The following CMTM8 variants were observed in gnomAD, a reference collection of about 807,000 sequenced individuals.
The protein encoded by CMTM8 is CKLF-like MARVEL transmembrane domain-containing protein 8.
Under a neutral mutation model 18.6 loss-of-function variants are expected in CMTM8, and 12 were observed. The observed-to-expected ratio is 0.65, with a 90% CI of 0.41 to 1.05. The LOEUF (loss-of-function observed/expected upper bound fraction) is 1.05, where lower values mean the gene tolerates loss of function less well. CMTM8 is among the 50% of genes least tolerant of loss of function. The pLI is 0.00. For missense variants in CMTM8, 217 were observed against 227.2 expected (o/e 0.95, Z 0.29); for synonymous variants, 87 against 90.6 (o/e 0.96, Z 0.23).
At chr3:32,288,013 T>TA (rs372751926) in intron 1 of CMTM8, among the ~76,000 whole-genome samples, 107 of 152,286 alleles carry the variant, frequency 7.0e-4, no homozygotes, top group African/African-American at 2.5e-3. Context: ...CACGATACAT[T>TA]ATATTTATTT....
intron 1 of CMTM8, among the ~76,000 whole-genome samples, chr3:32,314,648 T>C (rs1370538308): frequency 6.6e-6 from 1 of 151,822 alleles, no homozygotes; most frequent in East Asian, 1.9e-4. Context: ...CCCAGCTGAT[T>C]TTTGTGTTTT....
intron 1 of CMTM8, among the ~76,000 whole-genome samples, chr3:32,252,492 C>A (rs1258452863): frequency 3.3e-5 from 5 of 152,046 alleles, no homozygotes; most frequent in Non-Finnish European, 7.4e-5. Context: ...CAAATCTTAC[C>A]ATCTGGGAAT....
rs62243330 is a variant in CMTM8, at chr3:32,320,863, G to T, written c.148-36510G>T. ...CTCAAAAATCACCCATGAAACGGTG[G>T]TGACTTTGTTTGCCCCTATGATCTT... On this transcript the variant is annotated intron_variant, in intron 1 of 3. Transcript: ENST00000307526. 6.9e-3 allele frequency among the ~76,000 whole-genome samples: 1,043 copies of T among 152,218 alleles called. 2 individuals are homozygous for T. The highest frequency in any genetic ancestry group is 0.012 in the Non-Finnish European group (790 of 68,026).
intron 2 of CMTM8, among the ~76,000 whole-genome samples, chr3:32,364,832 A>T (rs1352020233): frequency 6.6e-6 from 1 of 152,194 alleles, no homozygotes; most frequent in East Asian, 1.9e-4. Context: ...TTCTGTAGTA[A>T]TAGAAGTTTC....
chr3:32,348,529 C>CCTTTTTTTTT (rs567343522), intron 1 of CMTM8, among the ~76,000 whole-genome samples: 7 of 102,036 alleles, frequency 6.9e-5, no homozygotes, highest in Non-Finnish European at 9.3e-5. Flanking sequence ...CTTCCTGGAA[C>CCTTTTTTTTT]TTTTTTTTTT....
chr3:32,276,534 C>T (rs573829460), intron 1 of CMTM8, among the ~76,000 whole-genome samples: 14 of 152,298 alleles, frequency 9.2e-5, no homozygotes, highest in African/African-American at 3.4e-4. Flanking sequence ...AGCCATGGAC[C>T]TTTGCATGGG....
Position 32,358,991 on chromosome 3 carries a change from A to G in CMTM8, c.321+1445A>G, listed in dbSNP as rs75929945. On this transcript the variant is annotated intron_variant, in intron 2 of 3. Transcript: ENST00000307526. This position sits in a 1 kb window ranked among gnomAD's most constrained non-coding sequence, Gnocchi z 4.1. ...GCCATTTTGGACAAAGTTGTGTCCT[A>G]GGGTGGGTCTTGAAGAAAGTGACTG... 0.025 allele frequency among the ~76,000 whole-genome samples: 3,875 copies of G among 152,328 alleles called. 68 individuals carry two copies. The highest frequency in any genetic ancestry group is 0.098 in the East Asian group (508 of 5,182).
chr3:32,305,369 C>A (rs1205551938), intron 1 of CMTM8, among the ~76,000 whole-genome samples: 1 of 151,702 alleles, frequency 6.6e-6, no homozygotes, highest in African/African-American at 2.4e-5. Flanking sequence ...TTGATTGTCA[C>A]AACTAGGAGG....
intron 1 of CMTM8, among the ~76,000 whole-genome samples, chr3:32,285,512 C>CAAAAAA (rs140584675): frequency 9.9e-6 from 1 of 100,526 alleles, no homozygotes; most frequent in African/African-American, 3.2e-5. Context: ...GATTCTATCT[C>CAAAAAA]AAAAAAAAAA....
intron 1 of CMTM8, among the ~76,000 whole-genome samples, chr3:32,293,563 A>AG (rs775221244): frequency 2.0e-5 from 3 of 152,076 alleles, no homozygotes; most frequent in Non-Finnish European, 4.4e-5. Flanking sequence ...AGAAATAAAT[A>AG]GGCCAGGTGC....
intron 1 of CMTM8, among the ~76,000 whole-genome samples, chr3:32,318,409 A>G (rs1695971965): frequency 6.6e-6 from 1 of 152,144 alleles, no homozygotes; most frequent in South Asian, 2.1e-4. Context: ...GTTTGCAGCA[A>G]GCAGTAGCCC....
At chr3:32,367,821 G>A (rs1272069348) in intron 2 of CMTM8, 51 bp from the exon 3 acceptor site, 1 of 1,258,924 alleles carries the variant, frequency 7.9e-7, no homozygotes, top group South Asian at 1.2e-5. Flanking sequence ...AAGTCCAGAG[G>A]TATGCAGACC....
intron 1 of CMTM8, among the ~76,000 whole-genome samples, chr3:32,303,445 T>C (rs1695661989): frequency 2.0e-5 from 3 of 152,360 alleles, no homozygotes; most frequent in African/African-American, 7.2e-5. Flanking sequence ...TTGGTTTAGA[T>C]TCAGGTGTTT....
At chr3:32,272,786 G>C (rs1288837939) in intron 1 of CMTM8, among the ~76,000 whole-genome samples, 1 of 152,098 alleles carries the variant, frequency 6.6e-6, no homozygotes, top group Non-Finnish European at 1.5e-5. Flanking sequence ...GCTCCCTCTG[G>C]ACACTGAGTT....
chr3:32,369,868 G>A lies in CMTM8; in HGVS notation c.439-16G>A, dbSNP rs1394024488. The A allele has an allele frequency of 1.3e-6, 2 of 1,585,186 alleles. No homozygotes were observed. Among genetic ancestry groups the A allele is most frequent in the Non-Finnish European group, 1.7e-6 (2 of 1,156,542 alleles). ...GTGCCCTAAACCCCACTTCTATTAT[G>A]CTTTGTTTTCTCCAGTTCTTTGCCT... On this transcript the variant is annotated splice_polypyrimidine_tract_variant and intron_variant, in intron 3 of 3. Transcript: ENST00000307526.
At position 32,259,082 on chromosome 3, in the gene CMTM8, C is replaced by A. The variant is rs528766759; in HGVS notation, c.147+19963C>A. ...CGGAGGGCAGGGGGTGGCTCTGGTT[C>A]CCGGATCACCGTGTCCTGCTCCACC... On this transcript the variant is annotated intron_variant, in intron 1 of 3. Transcript: ENST00000307526. 21 of 375,890 alleles carry A rather than the reference C, an allele frequency of 5.6e-5. No homozygotes were observed. In the East Asian group the frequency reaches 1.4e-3, roughly 24 times the overall value. The allele number at this position is 375,890 out of a possible 1,614,324, so 23.3% of individuals were successfully genotyped here.
intron 1 of CMTM8, among the ~76,000 whole-genome samples, chr3:32,263,940 T>C (rs1702295127): frequency 6.6e-6 from 1 of 152,142 alleles, no homozygotes; most frequent in African/African-American, 2.4e-5. Flanking sequence ...CCAAGAAATA[T>C]GGGACTATGT....
intron 1 of CMTM8, among the ~76,000 whole-genome samples, chr3:32,277,267 TGTCCAGG>T (rs2125547458): frequency 6.6e-6 from 1 of 152,322 alleles, no homozygotes; most frequent in Admixed American, 6.5e-5. Flanking sequence ...AGGCTACTGG[TGTCCAGG>T]GAGGCCCTAC....
chr3:32,268,281 C>T (rs989761162), intron 1 of CMTM8, among the ~76,000 whole-genome samples: 31 of 152,176 alleles, frequency 2.0e-4, no homozygotes, highest in African/African-American at 7.5e-4. Flanking sequence ...ATGATGAGTT[C>T]ATGTCCTTTG....
Sources: gnomAD v4.1 joint callset for allele counts (sites outside exome capture counted in the v4.1 genomes callset) on GRCh38, gnomAD v4.1.1 for gene constraint, Gnocchi (gnomAD v3.1) non-coding constraint, MANE v1.5 for transcripts, NCBI Gene and HGNC (gene_info 2026-07-23, HGNC 2026-07-21) for gene names.